The following FBN2 variants were observed in gnomAD, a reference collection of about 807,000 sequenced individuals.
FBN2 encodes the protein fibrillin-2.
Under a neutral mutation model 355.6 loss-of-function variants are expected in FBN2, and 105 were observed. That is an observed-to-expected ratio of 0.30 (90% CI 0.25 to 0.35). The LOEUF (loss-of-function observed/expected upper bound fraction) is 0.35. Ranked by LOEUF, FBN2 falls within the 10% of genes least tolerant of loss-of-function variation. FBN2 has a pLI of 1.00. For missense variants in FBN2, 3,280 were observed against 3,758.7 expected (o/e 0.87, Z 3.33); for synonymous variants, 1,350 against 1,301.2 (o/e 1.04, Z -0.81).
chr5:128,322,867 G>A (rs1750422349), intron 34 of FBN2, among the ~76,000 whole-genome samples: 1 of 152,046 alleles, frequency 6.6e-6, no homozygotes. Flanking sequence ...TGGGCAGTTG[G>A]GCCATTTTCA....
chr5:128,466,821 TAAAC>T (rs1448034538), intron 5 of FBN2, among the ~76,000 whole-genome samples: 1 of 152,182 alleles, frequency 6.6e-6, no homozygotes, highest in Non-Finnish European at 1.5e-5. Context: ...GGCAACCTTA[TAAAC>T]AAACACACTT....
intron 48 of FBN2, among the ~76,000 whole-genome samples, chr5:128,296,800 G>A (rs372689245): frequency 0.011 from 1,657 of 151,888 alleles, 14 homozygotes; most frequent in Middle Eastern, 0.044. Context: ...TCCTGGATTC[G>A]TTAATTTTTT....
intron 5 of FBN2, among the ~76,000 whole-genome samples, chr5:128,510,291 A>G (rs1201833088): frequency 6.6e-6 from 1 of 152,246 alleles, no homozygotes; most frequent in Non-Finnish European, 1.5e-5. Flanking sequence ...ATGGTTTAAG[A>G]AAGTTTACGA....
intron 34 of FBN2, among the ~76,000 whole-genome samples, chr5:128,324,351 T>G (rs2126880930): frequency 6.6e-6 from 1 of 152,348 alleles, no homozygotes; most frequent in Middle Eastern, 3.4e-3. Flanking sequence ...TTGTTCTTGC[T>G]TCTCGAGTTC....
chr5:128,388,074 T>C (rs1226988113), intron 11 of FBN2, among the ~76,000 whole-genome samples: 4 of 152,210 alleles, frequency 2.6e-5, no homozygotes, highest in Non-Finnish European at 4.4e-5. Context: ...TTTGTTGCAC[T>C]GAACCTTTAT....
chr5:128,298,945 G>T (rs1490325829), intron 48 of FBN2, among the ~76,000 whole-genome samples: 2 of 152,300 alleles, frequency 1.3e-5, no homozygotes, highest in Non-Finnish European at 2.9e-5. Context: ...TTTCTGCTCT[G>T]TTTTTTCCCC....
intron 19 of FBN2, 30 bp from the exon 20 acceptor site, chr5:128,357,425 G>T (rs766067684): frequency 6.2e-7 from 1 of 1,613,244 alleles, no homozygotes; most frequent in Admixed American, 1.7e-5. Context: ...GATTCTGTTA[G>T]AACTGCCATG....
At chr5:128,450,166 A>G (rs756227248) in intron 6 of FBN2, among the ~76,000 whole-genome samples, 15 of 152,134 alleles carry the variant, frequency 9.9e-5, no homozygotes, top group Non-Finnish European at 1.6e-4. Flanking sequence ...GACTTGAACC[A>G]TATTTTCAAC....
chr5:128,505,219 G>A (rs955568706), intron 5 of FBN2, among the ~76,000 whole-genome samples: 2 of 152,020 alleles, frequency 1.3e-5, no homozygotes, highest in South Asian at 2.1e-4. Flanking sequence ...CTACTACAAT[G>A]GCCATCTGCT....
At chr5:128,277,648 A>G (rs1394161459) in intron 58 of FBN2, among the ~76,000 whole-genome samples, 2 of 152,208 alleles carry the variant, frequency 1.3e-5, no homozygotes, top group Non-Finnish European at 2.9e-5. Context: ...TGGATGTGGC[A>G]CAAGTTCTTT....
rs148221671 is a variant in FBN2 at position 128,460,712 on chromosome 5, G to C, written c.826+4012C>G. ...CCTCAGAAATAACACCACACATCTA[G>C]AACCATCTGATCTTCAACAAACCTG... is the stretch of plus-strand genomic sequence containing the variant. On this transcript the variant is annotated intron_variant, in intron 6 of 64. Transcript: ENST00000262464. Among the ~76,000 whole-genome samples, 536 of 152,064 alleles carry C rather than the reference G, an allele frequency of 3.5e-3. 1 individual carries two copies. The highest frequency in any genetic ancestry group is 6.2e-3 in the Non-Finnish European group (421 of 67,934).
In FBN2 at chr5:128,537,356, A is replaced by G. The variant is rs1756881331; in HGVS notation, c.248T>C (p.Leu83Pro). 4.3e-6 allele frequency: 7 copies of G among 1,610,552 alleles called. No homozygotes were observed. The highest frequency in any genetic ancestry group is 2.2e-5 in the East Asian group (1 of 44,830). The change falls in exon 1 of 65, where the codon CTC (leucine) becomes CCC (proline). Residue 83 changes from leucine to proline, a missense_variant. By Grantham distance (98) the Leu-to-Pro change is moderately conservative. This residue lies in a region of FBN2 where 203 missense variants were observed against 142.2 expected (regional missense o/e 1.43). Coordinates refer to ENST00000262464, the MANE Select transcript of FBN2 (RefSeq NM_001999.4). ...GAGCCGCTTGCCCACTTACCCTCGG[A>G]GCACGTCCTGCTGTCCTCGCCGGCG... ...RVRRRGQQDV[L>P]RGPNVCGSRF...
chr5:128,301,227 C>A (rs1032849785), intron 47 of FBN2, among the ~76,000 whole-genome samples, 155 bp downstream of exon 47: 3 of 152,140 alleles, frequency 2.0e-5, no homozygotes, highest in African/African-American at 4.8e-5. Flanking sequence ...ATTGTTGATA[C>A]CTTATACTAA....
intron 7 of FBN2, among the ~76,000 whole-genome samples, chr5:128,431,881 C>A (rs1008096608): frequency 6.6e-6 from 1 of 152,154 alleles, no homozygotes; most frequent in Non-Finnish European, 1.5e-5. Context: ...GATGTTATTA[C>A]CTTACTGAGA....
intron 5 of FBN2, among the ~76,000 whole-genome samples, chr5:128,497,115 C>G (rs1199376246): frequency 6.6e-6 from 1 of 152,110 alleles, no homozygotes; most frequent in Non-Finnish European, 1.5e-5. Context: ...TGATTTAAGA[C>G]TGAAGGATAT....
At chr5:128,307,518 C>G (rs542482241) in intron 41 of FBN2, among the ~76,000 whole-genome samples, 4 of 151,214 alleles carry the variant, frequency 2.6e-5, no homozygotes, top group Non-Finnish European at 5.9e-5. Context: ...ATATGCAGAG[C>G]TTTAAAAAAC....
intron 6 of FBN2, among the ~76,000 whole-genome samples, chr5:128,456,687 A>G (rs952830778): frequency 2.0e-5 from 3 of 152,142 alleles, no homozygotes; most frequent in African/African-American, 7.2e-5. Context: ...AGCAAACTGC[A>G]GCAGCCCTAC....
intron 36 of FBN2, among the ~76,000 whole-genome samples, chr5:128,313,766 T>G (rs1352660334): frequency 7.2e-6 from 1 of 139,824 alleles, no homozygotes; most frequent in Non-Finnish European, 1.5e-5. Context: ...GGCAGGAGAA[T>G]GGCATGAACC....
intron 63 of FBN2, 113 bp downstream of exon 63, chr5:128,263,310 AAT>A: frequency 1.2e-6 from 1 of 800,082 alleles, no homozygotes; most frequent in Non-Finnish European, 2.2e-6. Flanking sequence ...AGTTCTAATC[AAT>A]GCTTTTGCGG....
Sources: allele counts gnomAD v4.1 joint callset (sites outside exome capture counted in the v4.1 genomes callset), GRCh38; gene constraint gnomAD v4.1.1; regional missense constraint gnomAD v4.1.1; transcripts MANE v1.5; gene names NCBI Gene and HGNC (gene_info 2026-07-23, HGNC 2026-07-21).